INPP5F: variants seen among roughly 807,000 people sequenced by gnomAD.
INPP5F encodes phosphatidylinositide 4-phosphatase SAC2.
A neutral mutation model predicts 137.2 loss-of-function variants in INPP5F; 97 were observed. The ratio of observed to expected loss-of-function variants is 0.71; its 90% CI spans 0.60 to 0.84. The LOEUF (loss-of-function observed/expected upper bound fraction) is 0.84, where lower values mean the gene tolerates loss of function less well. INPP5F is among the 40% of genes least tolerant of loss of function. The probability of loss-of-function intolerance (pLI) is 0.00; values close to 1 mark genes in which losing one functional copy is unlikely to be tolerated. For missense variants in INPP5F, 1,271 were observed against 1,371.9 expected (o/e 0.93, Z 1.16); for synonymous variants, 504 against 476.9 (o/e 1.06, Z -0.74).
chr10:119,772,627 T>C (rs573240170), intron 2 of INPP5F, among the ~76,000 whole-genome samples: 1 of 152,342 alleles, frequency 6.6e-6, no homozygotes, highest in Non-Finnish European at 1.5e-5. Flanking sequence ...AAGAATCTGC[T>C]ATATTTTGTT....
intron 6 of INPP5F, among the ~76,000 whole-genome samples, chr10:119,792,510 G>A (rs2134207593): frequency 6.6e-6 from 1 of 150,762 alleles, no homozygotes. Context: ...TGCAAAAGAG[G>A]TATTTTCTTT....
In INPP5F at chr10:119,748,452, C is replaced by G. The variant is rs1009287913; in HGVS notation, c.98-2624C>G. 6.6e-6 allele frequency among the ~76,000 whole-genome samples: 1 copy of G among 152,188 alleles called. No individual in the cohort carries two copies. Among genetic ancestry groups the G allele is most frequent in the African/African-American group, 2.4e-5 (1 of 41,458 alleles). ...GGTCCTGTTTGTGTTACAGCTTTTT[C>G]AGTCCCACCATTCAGGGGTCCCGTG... On this transcript the variant is annotated intron_variant, in intron 1 of 19. Transcript: ENST00000650623. The surrounding 1 kb of genome is among the most constrained non-coding windows in gnomAD (Gnocchi z 4.7).
At chr10:119,765,718 C>A (rs892441880) in intron 2 of INPP5F, among the ~76,000 whole-genome samples, 3 of 148,880 alleles carry the variant, frequency 2.0e-5, no homozygotes, top group African/African-American at 7.5e-5. Context: ...GCACCCCTAA[C>A]TCCTGCATTG....
In INPP5F at chr10:119,767,107, G is replaced by GAA. The variant is rs35875262; in HGVS notation, c.179-14503_179-14502dup. On this transcript the variant is annotated intron_variant, in intron 2 of 19. Transcript: ENST00000650623. ...GCAACAGAGTGAGACTCTGTCTCCA[G>GAA]AAAAAAAAAAAAAAAAAAAAAAAAA... Among the ~76,000 whole-genome samples the GAA allele has an allele frequency of 6.2e-4, 25 of 40,542 alleles. 4 individuals are homozygous for GAA. Among genetic ancestry groups the GAA allele is most frequent in the African/African-American group, 1.6e-3 (14 of 8,886 alleles). 26.6% of individuals were successfully genotyped at this position (40,542 alleles called of 152,430 possible).
chr10:119,756,551 G>A (rs1848848596), intron 2 of INPP5F, among the ~76,000 whole-genome samples: 2 of 151,890 alleles, frequency 1.3e-5, no homozygotes, highest in African/African-American at 4.8e-5. Context: ...CAGGATAATC[G>A]CTTGAACCCA....
At chr10:119,769,506 CAT>C (rs1849273999) in intron 2 of INPP5F, among the ~76,000 whole-genome samples, 2 of 152,024 alleles carry the variant, frequency 1.3e-5, no homozygotes, top group African/African-American at 4.8e-5. Context: ...GATTTCTGGT[CAT>C]GTGTGTGAGG....
rs757990666 is a variant in INPP5F at position 119,810,064 on chromosome 10, TTAAA to T, written c.1570-32_1570-29del. The T allele has an allele frequency of 4.1e-6, 5 of 1,222,852 alleles. No homozygotes were observed. In the East Asian group the frequency reaches 9.3e-5, roughly 23 times the overall value. The allele number at this position is 1,222,852 out of a possible 1,614,324, so 75.8% of individuals were successfully genotyped here. ...ATTTATTTTGGGGGCATTCTTGTGTTTAAATAAGATGTCAAAATCAGTTTTTGTT... is the reference window on the plus strand; with the variant it reads ...ATTTATTTTGGGGGCATTCTTGTGTTTAAGATGTCAAAATCAGTTTTTGTT... On this transcript the variant is annotated intron_variant, in intron 13 of 19. Coordinates refer to ENST00000650623, the MANE Select transcript of INPP5F (RefSeq NM_014937.4).
chr10:119,804,125 G>A, intron 9 of INPP5F, 48 bp from the exon 10 acceptor site: 1 of 1,383,972 alleles, frequency 7.2e-7, no homozygotes. Flanking sequence ...AAACCACATT[G>A]TGATTCTAAA....
chr10:119,754,092 A>G (rs927472739), intron 2 of INPP5F, among the ~76,000 whole-genome samples: 3 of 152,238 alleles, frequency 2.0e-5, no homozygotes, highest in Non-Finnish European at 4.4e-5. Context: ...ATAACTGGAA[A>G]CTGACAAGCA....
intron 2 of INPP5F, among the ~76,000 whole-genome samples, chr10:119,755,462 AC>A (rs1564810068): frequency 6.6e-6 from 1 of 151,816 alleles, no homozygotes; most frequent in African/African-American, 2.4e-5. Context: ...TAACCTAATT[AC>A]CCCCTTCGAA....
chr10:119,811,929 C>T lies in INPP5F; in HGVS notation c.1860C>T (p.Gly620=). The T allele has an allele frequency of 1.2e-6, 2 of 1,614,126 alleles. No individual in the cohort carries two copies. The highest frequency in any genetic ancestry group is 8.5e-7 in the Non-Finnish European group (1 of 1,179,966). ...LLPDDEKFHG[G]WALIDCDPSL... ...CTGATGATGAGAAGTTCCATGGGGG[C>T]TGGGCCCTCATTGACTGTGACCCTA... The change falls in exon 15 of 20, where the codon GGC becomes GGT. Residue 620 remains glycine, a synonymous_variant. Transcript: ENST00000650623.
intron 2 of INPP5F, among the ~76,000 whole-genome samples, chr10:119,762,110 G>GA (rs1293453896): frequency 1.3e-5 from 2 of 152,148 alleles, no homozygotes; most frequent in Non-Finnish European, 2.9e-5. Flanking sequence ...CATTTGATTG[G>GA]AAAAAATCTC....
chr10:119,781,579 G>C (rs1056903211), intron 2 of INPP5F, 56 bp from the exon 3 acceptor site: 63 of 1,460,152 alleles, frequency 4.3e-5, no homozygotes, highest in Non-Finnish European at 4.9e-5. Flanking sequence ...CCTTCAACTT[G>C]TCAGAACAGT....
intron 2 of INPP5F, chr10:119,768,657 A>C (rs991787117): frequency 6.6e-6 from 1 of 152,224 alleles, no homozygotes; most frequent in Non-Finnish European, 1.5e-5. Flanking sequence ...CTGTTTCACC[A>C]TTTCCCAGCC....
At chr10:119,764,674 C>G (rs918183310) in intron 2 of INPP5F, among the ~76,000 whole-genome samples, 3 of 151,044 alleles carry the variant, frequency 2.0e-5, no homozygotes, top group African/African-American at 2.4e-5. Context: ...CTCCGCCTCC[C>G]GGGTTCAAGC....
chr10:119,735,986 C>T (rs1193705319), intron 1 of INPP5F, among the ~76,000 whole-genome samples: 3 of 152,088 alleles, frequency 2.0e-5, no homozygotes, highest in Non-Finnish European at 2.9e-5. Context: ...AAAAATTAGG[C>T]GGGTGTGGTG....
intron 3 of INPP5F, among the ~76,000 whole-genome samples, chr10:119,783,017 A>G (rs1849760629): frequency 6.6e-6 from 1 of 151,574 alleles, no homozygotes; most frequent in South Asian, 2.1e-4. Flanking sequence ...GTGGACTCTG[A>G]TATTAATTAT....
intron 8 of INPP5F, among the ~76,000 whole-genome samples, chr10:119,797,938 C>T (rs1221154467): frequency 1.3e-5 from 2 of 151,832 alleles, no homozygotes; most frequent in Admixed American, 6.6e-5. Flanking sequence ...TGGAAAGGAG[C>T]GAATCTAGCC....
chr10:119,806,507 A>G, intron 12 of INPP5F, 27 bp downstream of exon 12: 1 of 1,554,668 alleles, frequency 6.4e-7, no homozygotes, highest in Non-Finnish European at 8.7e-7. Flanking sequence ...TGGATTGCAA[A>G]TATTCATTTC....
Sources: allele counts gnomAD v4.1 joint callset (sites outside exome capture counted in the v4.1 genomes callset), GRCh38; gene constraint gnomAD v4.1.1; non-coding constraint Gnocchi (gnomAD v3.1); transcripts MANE v1.5; gene names NCBI Gene and HGNC (gene_info 2026-07-23, HGNC 2026-07-21).